The following TRRAP variants were observed in gnomAD, a reference collection of about 807,000 sequenced individuals.
TRRAP encodes transformation/transcription domain-associated protein.
Under a neutral mutation model 438.8 loss-of-function variants are expected in TRRAP, and 41 were observed. The observed-to-expected ratio is 0.09, with a 90% CI of 0.07 to 0.12. The LOEUF (loss-of-function observed/expected upper bound fraction) is 0.12, where lower values mean the gene tolerates loss of function less well. TRRAP is among the 10% of genes least tolerant of loss of function. The probability of loss-of-function intolerance (pLI) is 1.00; values close to 1 mark genes in which losing one functional copy is unlikely to be tolerated. For synonymous variants in TRRAP, 1,994 were observed against 1,962.9 expected, an observed-to-expected ratio of 1.02 and a Z score of -0.42; for missense variants, 3,122 against 5,055.1, an observed-to-expected ratio of 0.62 and a Z score of 11.60.
Position 98,994,120 on chromosome 7 carries a change from A to G in TRRAP, c.10047+383A>G, listed in dbSNP as rs552030734. Among the ~76,000 whole-genome samples the G allele has an allele frequency of 6.6e-6, 1 of 152,234 alleles. No homozygotes were observed. The highest frequency in any genetic ancestry group is 1.9e-4 in the East Asian group (1 of 5,158). ...GTGGGGTCTTTTCAGCAGTCAGACC[A>G]CTTCCTTAATAACGTTGGCTTAAGC... On this transcript the variant is annotated intron_variant, in intron 66 of 72. Transcript: ENST00000456197. The surrounding 1 kb of genome is among the most constrained non-coding windows in gnomAD (Gnocchi z 4.8).
chr7:98,944,425 G>A (rs1046847718), intron 31 of TRRAP, among the ~76,000 whole-genome samples: 5 of 152,162 alleles, frequency 3.3e-5, no homozygotes, highest in Admixed American at 6.5e-5. Flanking sequence ...GTTGTATAGG[G>A]GATGGAGTCG....
intron 6 of TRRAP, 34 bp downstream of exon 6, chr7:98,893,915 AGT>A: frequency 6.2e-7 from 1 of 1,601,616 alleles, no homozygotes; most frequent in Non-Finnish European, 8.5e-7. Flanking sequence ...GCATTTATAA[AGT>A]GTGTCAACAT....
chr7:98,981,744 C>CTG, intron 58 of TRRAP, 25 bp from the exon 59 acceptor site: 1 of 1,586,658 alleles, frequency 6.3e-7, no homozygotes, highest in East Asian at 2.3e-5. Context: ...CCCTCACGTC[C>CTG]TGTGTCACGT....
rs763551909 is a variant in TRRAP, at chr7:98,970,074, C to A, written c.7513-38C>A. 113 of 1,604,660 alleles carry A rather than the reference C, an allele frequency of 7.0e-5. No homozygotes were observed. In the African/African-American group the frequency reaches 1.4e-3, roughly 19 times the overall value. On this transcript the variant is annotated intron_variant, in intron 51 of 72. Coordinates refer to ENST00000456197, the MANE Select transcript of TRRAP (RefSeq NM_001375524.1). Reference sequence around the variant, plus strand: ...GTCCAGATGCCCTGAATGCCACGCGCATGCCTTGGGTCTGTCTCCTTTCCG... The same window carrying A: ...GTCCAGATGCCCTGAATGCCACGCGAATGCCTTGGGTCTGTCTCCTTTCCG...
intron 2 of TRRAP, 176 bp from the exon 3 acceptor site, chr7:98,881,799 G>C: frequency 1.7e-6 from 1 of 593,766 alleles, no homozygotes; most frequent in Non-Finnish European, 2.9e-6. Flanking sequence ...GTATGTCTGG[G>C]AGTACAAATG....
chr7:98,977,353 G>C (rs1022919172), intron 56 of TRRAP, among the ~76,000 whole-genome samples: 1 of 152,274 alleles, frequency 6.6e-6, no homozygotes, highest in East Asian at 1.9e-4. Flanking sequence ...GTAGAGACGG[G>C]GTTTTGCCAT....
intron 11 of TRRAP, 138 bp downstream of exon 11, chr7:98,900,858 A>G: frequency 1.5e-6 from 1 of 675,510 alleles, no homozygotes; most frequent in Non-Finnish European, 2.4e-6. Context: ...GTACATTTCC[A>G]TCAACCTCCA....
At chr7:98,979,660 C>T (rs1792825023) in intron 58 of TRRAP, among the ~76,000 whole-genome samples, 1 of 152,222 alleles carries the variant, frequency 6.6e-6, no homozygotes, top group South Asian at 2.1e-4. Context: ...ACGTTCCCTT[C>T]TTTCTCCTTC....
In TRRAP at chr7:98,881,170, A is replaced by C. The variant is rs1554402985; in HGVS notation, c.20A>C (p.Gln7Pro). The C allele has an allele frequency of 6.2e-7, 1 of 1,608,602 alleles. No homozygotes were observed. The highest frequency in any genetic ancestry group is 2.2e-5 in the East Asian group (1 of 44,612). Residue 7 changes from glutamine (Q) to proline (P), a missense_variant, in exon 2 of 73, where the codon CAG (glutamine) becomes CCG (proline). Around this residue, in one of 24 missense-constraint regions of TRRAP, gnomAD observed 343 missense variants for 564.0 expected, o/e 0.61. Coordinates refer to ENST00000456197, the MANE Select transcript of TRRAP (RefSeq NM_001375524.1). MAFVAT[Q>P]GATVVDQTTL... Reference sequence around the variant, plus strand: ...AGAAAAATGGCGTTTGTTGCAACACAGGGGGCCACGGTGGTTGACCAGACC... The same window carrying C: ...AGAAAAATGGCGTTTGTTGCAACACCGGGGGCCACGGTGGTTGACCAGACC...
chr7:98,926,201 C>T (rs543273756), intron 22 of TRRAP, among the ~76,000 whole-genome samples: 1 of 151,710 alleles, frequency 6.6e-6, no homozygotes, highest in East Asian at 1.9e-4. Flanking sequence ...ACTTTTAACC[C>T]CTCAAAAAGA....
intron 36 of TRRAP, 36 bp downstream of exon 36, chr7:98,949,617 G>T (rs782659257): frequency 3.8e-6 from 6 of 1,593,270 alleles, no homozygotes; most frequent in Admixed American, 1.7e-5. Flanking sequence ...ATGCCCAGGG[G>T]TTTAATCGAG....
intron 69 of TRRAP, among the ~76,000 whole-genome samples, chr7:99,006,693 G>A (rs900923011): frequency 1.3e-5 from 2 of 152,198 alleles, no homozygotes; most frequent in Admixed American, 6.5e-5. Context: ...CAGTGGCTGG[G>A]ACACAGCTGC....
intron 18 of TRRAP, among the ~76,000 whole-genome samples, chr7:98,913,908 A>G (rs1173578159): frequency 6.6e-6 from 1 of 152,234 alleles, no homozygotes. Flanking sequence ...CTTAATTTCT[A>G]TAGAAAATTG....
intron 11 of TRRAP, among the ~76,000 whole-genome samples, 160 bp downstream of exon 11, chr7:98,900,880 T>C (rs1414927376): frequency 3.9e-5 from 6 of 152,206 alleles, no homozygotes; most frequent in Non-Finnish European, 8.8e-5. Context: ...AATTCCATTG[T>C]TATATATTTG....
At chr7:99,001,012 G>A (rs926080783) in intron 67 of TRRAP, among the ~76,000 whole-genome samples, 1 of 152,196 alleles carries the variant, frequency 6.6e-6, no homozygotes, top group African/African-American at 2.4e-5. Context: ...CACATGTGTG[G>A]TATTCAAAGA....
intron 7 of TRRAP, among the ~76,000 whole-genome samples, chr7:98,896,224 A>T (rs117128714): frequency 0.026 from 3,886 of 151,598 alleles, 52 homozygotes; most frequent in Non-Finnish European, 0.029. Context: ...GTTTTTTTTT[A>T]AATTTTACTA....
At chr7:98,920,750 TAATA>T (rs1201621306) in intron 20 of TRRAP, among the ~76,000 whole-genome samples, 3 of 152,206 alleles carry the variant, frequency 2.0e-5, no homozygotes, top group Non-Finnish European at 4.4e-5. Flanking sequence ...TTATAAAGCC[TAATA>T]AATAGACTTA....
chr7:98,881,096 TGAACTCATG>T lies in TRRAP; in HGVS notation c.-52_-44del, dbSNP rs1336296118. The T allele has an allele frequency of 8.8e-6, 13 of 1,479,684 alleles. No individual in the cohort carries two copies. The highest frequency in any genetic ancestry group is 3.9e-5 in the Admixed American group (2 of 51,206). The allele number at this position is 1,479,684 out of a possible 1,614,324, so 91.7% of individuals were successfully genotyped here. On this transcript the variant is annotated 5_prime_UTR_variant, in exon 2 of 73. An upstream start codon of the reference 5' UTR is lost. Coordinates refer to ENST00000456197, the MANE Select transcript of TRRAP (RefSeq NM_001375524.1). ...TCTATGCTTCTTTTCATAGGCTGGT[TGAACTCATG>T]GACCTGATACTTTTCTCTTGAGAAG...
At chr7:98,979,308 C>T (rs1187662300) in intron 58 of TRRAP, among the ~76,000 whole-genome samples, 1 of 152,148 alleles carries the variant, frequency 6.6e-6, no homozygotes, top group Non-Finnish European at 1.5e-5. Flanking sequence ...CACTCAAGTC[C>T]CTGATATAAA....
Sources: allele counts gnomAD v4.1 joint callset (sites outside exome capture counted in the v4.1 genomes callset), GRCh38; gene constraint gnomAD v4.1.1; regional missense constraint gnomAD v4.1.1; non-coding constraint Gnocchi (gnomAD v3.1); transcripts MANE v1.5; gene names NCBI Gene and HGNC (gene_info 2026-07-23, HGNC 2026-07-21).